Variants in PLA2G7 observed in about 807,000 individuals in gnomAD.
PLA2G7 encodes the protein phospholipase A2 group VII, also known as platelet-activating factor acetylhydrolase.
In PLA2G7, 63 loss-of-function variants were observed where a neutral mutation model predicts 49.6. That is an observed-to-expected ratio of 1.27 (90% CI 1.04 to 1.57). The LOEUF (loss-of-function observed/expected upper bound fraction) is 1.57, where lower values mean the gene tolerates loss of function less well. Ranked by LOEUF, PLA2G7 falls within the 40% of genes most tolerant of loss-of-function variation. The probability of loss-of-function intolerance (pLI) is 0.00; values close to 1 mark genes in which losing one functional copy is unlikely to be tolerated. For synonymous variants in PLA2G7, 193 were observed against 169.9 expected, an observed-to-expected ratio of 1.14 and a Z score of -1.06; for missense variants, 596 against 521.2, an observed-to-expected ratio of 1.14 and a Z score of -1.40.
intron 1 of PLA2G7, among the ~76,000 whole-genome samples, chr6:46,732,851 T>C (rs1162389631): frequency 6.6e-6 from 1 of 152,132 alleles, no homozygotes; most frequent in African/African-American, 2.4e-5. Flanking sequence ...TCTGAAACAA[T>C]ACAATTTTAG....
chr6:46,721,200 C>T (rs1765389090), intron 2 of PLA2G7, among the ~76,000 whole-genome samples: 2 of 151,880 alleles, frequency 1.3e-5, no homozygotes. Flanking sequence ...ACCACCACAC[C>T]CAGCTAATTT....
chr6:46,706,254 A>G lies in PLA2G7; in HGVS notation c.1041-953T>C, dbSNP rs541186987. Among the ~76,000 whole-genome samples, 4 of 152,290 alleles carry G rather than the reference A, an allele frequency of 2.6e-5. No individual in the cohort carries two copies. The East Asian group carries it at 7.7e-4, about 29-fold the overall frequency. ...TGCTGGTTCTTATAAGCAACCCATCATTCTTTTAGTCATCTAAGCTCAAAA... is the reference window on the plus strand; with the variant it reads ...TGCTGGTTCTTATAAGCAACCCATCGTTCTTTTAGTCATCTAAGCTCAAAA... On this transcript the variant is annotated intron_variant, in intron 10 of 11. Transcript: ENST00000274793.
Position 46,717,056 on chromosome 6 carries a change from G to A in PLA2G7, c.150C>T (p.Ser50=), listed in dbSNP as rs1398076924. 11 of 1,613,654 alleles carry A rather than the reference G, an allele frequency of 6.8e-6. No individual in the cohort carries two copies. Among genetic ancestry groups the A allele is most frequent in the Non-Finnish European group, 9.3e-6 (11 of 1,179,552 alleles). The part of the protein sequence containing the change: ...NKIQVLMAAA[S]FGQTKIPRGN... The stretch of plus-strand genomic sequence containing the variant: ...CCCGGGGGATTTTAGTTTGGCCAAA[G>A]CTTGCAGCAGCCATCAGTACTTGTA... The change falls in exon 3 of 12, where the codon AGC becomes AGT. Residue 50 remains serine (S), a synonymous_variant. Transcript: ENST00000274793.
At chr6:46,712,369 T>G (rs202148708) in intron 5 of PLA2G7, 32 bp from the exon 6 acceptor site, 17 of 1,511,332 alleles carry the variant, frequency 1.1e-5, no homozygotes, top group Middle Eastern at 1.7e-4. Flanking sequence ...GAATTACAAC[T>G]ACCAGTCATG....
intron 1 of PLA2G7, among the ~76,000 whole-genome samples, chr6:46,732,587 G>A (rs1377691388): frequency 6.6e-6 from 1 of 152,070 alleles, no homozygotes; most frequent in African/African-American, 2.4e-5. Context: ...ATGAATGAAT[G>A]AATACAAGTT....
intron 4 of PLA2G7, 126 bp downstream of exon 4, chr6:46,716,258 T>G (rs1173428818): frequency 4.3e-6 from 4 of 931,180 alleles, no homozygotes. Flanking sequence ...ATACTTTCCT[T>G]ATCATTTTAG....
chr6:46,712,990 TA>T (rs1163506791), intron 5 of PLA2G7, among the ~76,000 whole-genome samples: 5 of 152,224 alleles, frequency 3.3e-5, no homozygotes, highest in Non-Finnish European at 1.5e-5. Flanking sequence ...TCCTTATCTA[TA>T]AAATGGTGAC....
intron 11 of PLA2G7, among the ~76,000 whole-genome samples, 177 bp downstream of exon 11, chr6:46,704,976 A>G (rs1410342599): frequency 2.0e-5 from 3 of 152,186 alleles, no homozygotes; most frequent in Non-Finnish European, 4.4e-5. Context: ...TCTATGATAT[A>G]GAGGATGTAA....
chr6:46,714,967 T>C (rs1291604040), intron 4 of PLA2G7, among the ~76,000 whole-genome samples: 5 of 152,050 alleles, frequency 3.3e-5, no homozygotes, highest in African/African-American at 4.8e-5. Context: ...ACTCCCGACC[T>C]CAGGTGATCC....
intron 2 of PLA2G7, among the ~76,000 whole-genome samples, chr6:46,717,712 T>TC (rs1009665296): frequency 2.7e-5 from 1 of 36,400 alleles, no homozygotes; most frequent in African/African-American, 1.5e-4. Flanking sequence ...CTTTTTTCTT[T>TC]TTCTTTTTTT....
At chr6:46,712,465 T>C in intron 5 of PLA2G7, 128 bp from the exon 6 acceptor site, 2 of 699,136 alleles carry the variant, frequency 2.9e-6, no homozygotes, top group Admixed American at 2.0e-5. Context: ...AGTGGAGAGC[T>C]ACGGTTCTTA....
At chr6:46,716,234 TG>T in intron 4 of PLA2G7, 149 bp downstream of exon 4, 1 of 767,768 alleles carries the variant, frequency 1.3e-6, no homozygotes, top group Non-Finnish European at 2.1e-6. Flanking sequence ...CGTAGTTGCC[TG>T]GGCTTTAAAG....
chr6:46,724,758 G>A (rs943044025), intron 1 of PLA2G7, among the ~76,000 whole-genome samples: 1 of 152,218 alleles, frequency 6.6e-6, no homozygotes, highest in African/African-American at 2.4e-5. Flanking sequence ...GAACAGAGAA[G>A]AGCCCCTGCC....
chr6:46,704,939 T>C (rs749957671), intron 11 of PLA2G7, among the ~76,000 whole-genome samples: 3 of 152,206 alleles, frequency 2.0e-5, no homozygotes, highest in Non-Finnish European at 4.4e-5. Flanking sequence ...ATACAAAGAA[T>C]ATTACCTTTA....
chr6:46,732,745 G>A (rs953234951), intron 1 of PLA2G7, among the ~76,000 whole-genome samples: 3 of 152,136 alleles, frequency 2.0e-5, no homozygotes, highest in East Asian at 1.9e-4. Flanking sequence ...GTTGAGTCAC[G>A]CCCATAAAAT....
intron 6 of PLA2G7, 59 bp downstream of exon 6, chr6:46,712,210 T>TA: frequency 9.7e-7 from 1 of 1,033,014 alleles, no homozygotes; most frequent in Non-Finnish European, 1.5e-6. Flanking sequence ...GAAACATAGT[T>TA]ATGAGCATTG....
intron 5 of PLA2G7, among the ~76,000 whole-genome samples, chr6:46,712,725 G>A (rs1404469128): frequency 1.3e-5 from 2 of 152,138 alleles, no homozygotes; most frequent in African/African-American, 2.4e-5. Flanking sequence ...TTTTAATCTT[G>A]GCTCTGCCAC....
At chr6:46,732,618 C>T (rs1182572379) in intron 1 of PLA2G7, among the ~76,000 whole-genome samples, 1 of 152,060 alleles carries the variant, frequency 6.6e-6, no homozygotes, top group Admixed American at 6.5e-5. Context: ...TCAACTAGCC[C>T]ACTTAATTCA....
chr6:46,730,442 C>T (rs1175721509), intron 1 of PLA2G7, among the ~76,000 whole-genome samples: 1 of 152,152 alleles, frequency 6.6e-6, no homozygotes, highest in Non-Finnish European at 1.5e-5. Flanking sequence ...GTATAACAGA[C>T]AGGTTACACT....
Sources: allele counts gnomAD v4.1 joint callset (sites outside exome capture counted in the v4.1 genomes callset), GRCh38; gene constraint gnomAD v4.1.1; transcripts MANE v1.5; gene names NCBI Gene and HGNC (gene_info 2026-07-23, HGNC 2026-07-21).